The following PCMT1 variants were observed in gnomAD, a reference collection of about 807,000 sequenced individuals.
The protein encoded by PCMT1 is protein-L-isoaspartate(D-aspartate) O-methyltransferase.
PCMT1 carries 9 observed loss-of-function variants against 29.2 expected under a neutral mutation model. The observed-to-expected ratio is 0.31, with a 90% confidence interval of 0.19 to 0.54. The LOEUF (loss-of-function observed/expected upper bound fraction) is 0.54. Among genes scored for constraint, PCMT1 ranks in the 20% least tolerant of loss-of-function variants. The pLI is 0.95. For synonymous variants in PCMT1, 98 were observed against 97.5 expected (o/e 1.00, Z -0.03); for missense variants, 184 against 282.2 (o/e 0.65, Z 2.49).
At chr6:149,759,312 C>A (rs1786650768) in intron 1 of PCMT1, among the ~76,000 whole-genome samples, 1 of 152,132 alleles carries the variant, frequency 6.6e-6, no homozygotes, top group Non-Finnish European at 1.5e-5. Context: ...TTGTTAATTT[C>A]TTATTGTTTT....
intron 7 of PCMT1, among the ~76,000 whole-genome samples, chr6:149,806,834 C>T (rs1776028642): frequency 6.6e-6 from 1 of 152,122 alleles, no homozygotes; most frequent in South Asian, 2.1e-4. Context: ...TCAAGCGTTC[C>T]ACCCACCTCA....
At chr6:149,785,705 A>G (rs925699429) in intron 3 of PCMT1, among the ~76,000 whole-genome samples, 7 of 151,896 alleles carry the variant, frequency 4.6e-5, no homozygotes, top group African/African-American at 1.7e-4. Flanking sequence ...CACTTGTTTC[A>G]GAGAGCACAG....
intron 1 of PCMT1, among the ~76,000 whole-genome samples, chr6:149,766,197 A>G (rs935786672): frequency 3.9e-5 from 6 of 151,966 alleles, no homozygotes; most frequent in East Asian, 1.9e-4. Flanking sequence ...TTGCTATACA[A>G]TTGGGTATGT....
intron 3 of PCMT1, among the ~76,000 whole-genome samples, chr6:149,777,494 A>C (rs532415527): frequency 6.6e-6 from 1 of 152,322 alleles, no homozygotes; most frequent in East Asian, 1.9e-4. Flanking sequence ...CAAATATGAC[A>C]AAGTCTTCAA....
Position 149,753,890 on chromosome 6 carries a change from C to T in PCMT1, c.55+3934C>T, listed in dbSNP as rs1786423172. Among the ~76,000 whole-genome samples the T allele has an allele frequency of 2.0e-5, 3 of 152,262 alleles. No homozygotes were observed. In the South Asian group the frequency reaches 6.2e-4, roughly 32 times the overall value. The stretch of plus-strand genomic sequence containing the variant: ...GAGCATGCTTCAAAATCTCCTGAAT[C>T]ACCTGGAGAGCTTTTCAAAATACAG... On this transcript the variant is annotated intron_variant, in intron 1 of 7. Coordinates refer to ENST00000464889, the MANE Select transcript of PCMT1 (RefSeq NM_001360452.2).
chr6:149,792,120 GC>G (rs1462501809), intron 4 of PCMT1, among the ~76,000 whole-genome samples: 1 of 152,060 alleles, frequency 6.6e-6, no homozygotes, highest in Non-Finnish European at 1.5e-5. Context: ...TTCGAGACCA[GC>G]CTGGCCAACA....
intron 1 of PCMT1, among the ~76,000 whole-genome samples, chr6:149,764,138 G>T (rs1786973289): frequency 6.6e-6 from 1 of 152,170 alleles, no homozygotes; most frequent in African/African-American, 2.4e-5. Flanking sequence ...AACCACTCAA[G>T]AATTATTTTG....
rs756014067 is a variant in PCMT1, at chr6:149,758,208, CT to C, written c.55+8270del. On this transcript the variant is annotated intron_variant, in intron 1 of 7. Coordinates refer to ENST00000464889, the MANE Select transcript of PCMT1 (RefSeq NM_001360452.2). ...CAATTTTTTTTTTCTTTCTTTCTTT[CT>C]TTTTTTTTTTTTTTTTTCTGAGACA... Among the ~76,000 whole-genome samples the C allele has an allele frequency of 1.5e-3, 111 of 73,906 alleles. 4 individuals are homozygous for C. The highest frequency in any genetic ancestry group is 2.0e-3 in the Admixed American group (9 of 4,558). The allele number at this position is 73,906 out of a possible 152,430, so 48.5% of individuals were successfully genotyped here.
intron 3 of PCMT1, among the ~76,000 whole-genome samples, chr6:149,786,485 G>T (rs1788091269): frequency 7.1e-6 from 1 of 141,428 alleles, no homozygotes. Flanking sequence ...AGACGGGGTG[G>T]CTGCCAGGCG....
intron 4 of PCMT1, among the ~76,000 whole-genome samples, chr6:149,792,039 G>T (rs1788393204): frequency 1.3e-5 from 2 of 152,198 alleles, no homozygotes; most frequent in African/African-American, 4.8e-5. Context: ...GATAGGCCGG[G>T]TGTGGTGGCT....
intron 7 of PCMT1, among the ~76,000 whole-genome samples, chr6:149,803,797 G>GAAA (rs35832236): frequency 2.7e-5 from 3 of 109,910 alleles, no homozygotes; most frequent in Non-Finnish European, 3.9e-5. Flanking sequence ...ACAGCCACTG[G>GAAA]AAAAAAAAAA....
intron 3 of PCMT1, among the ~76,000 whole-genome samples, chr6:149,787,772 C>T (rs1382892607): frequency 6.6e-6 from 1 of 152,258 alleles, no homozygotes; most frequent in Admixed American, 6.5e-5. Context: ...TAAAGCAAAT[C>T]TCACCATTTG....
intron 3 of PCMT1, among the ~76,000 whole-genome samples, chr6:149,786,460 C>A (rs1195287734): frequency 1.4e-5 from 2 of 141,380 alleles, no homozygotes; most frequent in Non-Finnish European, 3.0e-5. Flanking sequence ...TGGGCGGAGA[C>A]GCTCCTCACT....
At chr6:149,764,584 T>G (rs1435670035) in intron 1 of PCMT1, among the ~76,000 whole-genome samples, 1 of 151,814 alleles carries the variant, frequency 6.6e-6, no homozygotes, top group Non-Finnish European at 1.5e-5. Context: ...AAAAAAACTT[T>G]TAAAAATTAG....
intron 3 of PCMT1, among the ~76,000 whole-genome samples, chr6:149,775,974 A>C (rs1286104064): frequency 1.3e-5 from 2 of 152,050 alleles, no homozygotes; most frequent in Non-Finnish European, 2.9e-5. Flanking sequence ...AGCCTCACCA[A>C]CATGGAGAAA....
intron 3 of PCMT1, among the ~76,000 whole-genome samples, chr6:149,781,878 TCAATAA>T (rs1025669596): frequency 6.6e-6 from 1 of 152,190 alleles, no homozygotes; most frequent in African/African-American, 2.4e-5. Context: ...CTATACTCAT[TCAATAA>T]CAATTTCCCA....
At chr6:149,791,811 A>G (rs566285135) in intron 4 of PCMT1, among the ~76,000 whole-genome samples, 1 of 152,304 alleles carries the variant, frequency 6.6e-6, no homozygotes, top group African/African-American at 2.4e-5. Context: ...TGACATGTTT[A>G]TAGTTTTAGA....
In PCMT1 at chr6:149,790,066, T is replaced by G. The variant is rs527716423; in HGVS notation, c.297+8T>G. On this transcript the variant is annotated splice_region_variant and intron_variant, in intron 4 of 7. Transcript: ENST00000464889. ...GCATGTTTTGCACGTATGGTAAGAG[T>G]TTTATTTCTCACTCTGGCCCCAACA... is the stretch of plus-strand genomic sequence containing the variant. 1.8e-5 allele frequency: 27 copies of G among 1,518,658 alleles called. No individual in the cohort carries two copies. The South Asian group carries it at 2.9e-4, about 16-fold the overall frequency. The allele number at this position is 1,518,658 out of a possible 1,614,324, so 94.1% of individuals were successfully genotyped here.
intron 3 of PCMT1, among the ~76,000 whole-genome samples, chr6:149,788,322 T>A (rs1471696619): frequency 6.6e-6 from 1 of 152,218 alleles, no homozygotes; most frequent in Non-Finnish European, 1.5e-5. Context: ...TTATAGACCT[T>A]ATTCAGATTT....
Sources: allele counts gnomAD v4.1 joint callset (sites outside exome capture counted in the v4.1 genomes callset), GRCh38; gene constraint gnomAD v4.1.1; transcripts MANE v1.5; gene names NCBI Gene and HGNC (gene_info 2026-07-23, HGNC 2026-07-21).